Variants in ROBO1 observed in about 807,000 individuals in gnomAD.
The protein encoded by ROBO1 is roundabout guidance receptor 1.
A neutral mutation model predicts 195.9 loss-of-function variants in ROBO1; 149 were observed. The observed-to-expected ratio is 0.76, with a 90% CI of 0.67 to 0.87. The LOEUF (loss-of-function observed/expected upper bound fraction) is 0.87. Ranked by LOEUF, ROBO1 falls within the 40% of genes least tolerant of loss-of-function variation. The pLI, the probability that ROBO1 is intolerant of heterozygous loss-of-function variation, is 0.00. For synonymous variants in ROBO1, 816 were observed against 733.2 expected (o/e 1.11, Z -1.82); for missense variants, 1,933 against 2,068.3 (o/e 0.93, Z 1.27).
chr3:79,034,496 A>G (rs1345659762), intron 3 of ROBO1, among the ~76,000 whole-genome samples: 1 of 152,182 alleles, frequency 6.6e-6, no homozygotes, highest in African/African-American at 2.4e-5. Context: ...ATGCCCTTTG[A>G]TATAGTATTT....
At chr3:79,382,503 G>A (rs1422896565) in intron 2 of ROBO1, among the ~76,000 whole-genome samples, 1 of 152,074 alleles carries the variant, frequency 6.6e-6, no homozygotes, top group African/African-American at 2.4e-5. Context: ...TATAATAGAT[G>A]CTGCTAATTA....
At chr3:78,884,864 T>TTC (rs769960376) in intron 4 of ROBO1, among the ~76,000 whole-genome samples, 3 of 67,584 alleles carry the variant, frequency 4.4e-5, no homozygotes. Flanking sequence ...CTCTCTCTCT[T>TTC]TCTGTGTGTG....
intron 1 of ROBO1, among the ~76,000 whole-genome samples, chr3:79,608,697 A>T (rs1356798958): frequency 2.6e-5 from 4 of 151,964 alleles, no homozygotes; most frequent in Non-Finnish European, 5.9e-5. Context: ...AGGGCCATAG[A>T]CAACTAAATA....
intron 10 of ROBO1, among the ~76,000 whole-genome samples, chr3:78,678,032 G>T (rs1271038038): frequency 6.6e-6 from 1 of 151,924 alleles, no homozygotes; most frequent in Non-Finnish European, 1.5e-5. Flanking sequence ...ACTCAAAACC[G>T]CTCAACTACA....
At chr3:79,172,698 T>A (rs2081189093) in intron 2 of ROBO1, among the ~76,000 whole-genome samples, 1 of 152,134 alleles carries the variant, frequency 6.6e-6, no homozygotes, top group African/African-American at 2.4e-5. Flanking sequence ...AACTATTCCC[T>A]TCTACTGTGT....
At chr3:79,064,352 C>T (rs554141491) in intron 3 of ROBO1, among the ~76,000 whole-genome samples, 45 of 151,960 alleles carry the variant, frequency 3.0e-4, no homozygotes, top group African/African-American at 1.0e-3. Context: ...TTGTACCATT[C>T]CAAATGCTTC....
chr3:78,998,765 C>T (rs1213903595), intron 3 of ROBO1, among the ~76,000 whole-genome samples: 2 of 152,188 alleles, frequency 1.3e-5, no homozygotes, highest in South Asian at 2.1e-4. Context: ...CATCATCTCT[C>T]CCCTTTATTA....
At chr3:79,461,522 C>G (rs2107263555) in intron 2 of ROBO1, among the ~76,000 whole-genome samples, 1 of 152,296 alleles carries the variant, frequency 6.6e-6, no homozygotes. Context: ...TCTGGATTGT[C>G]ATCCATACAT....
intron 2 of ROBO1, among the ~76,000 whole-genome samples, chr3:79,570,812 A>G (rs928718745): frequency 1.3e-5 from 2 of 152,136 alleles, no homozygotes; most frequent in African/African-American, 4.8e-5. Context: ...TGAAAATATA[A>G]TAGGGTGATT....
intron 5 of ROBO1, among the ~76,000 whole-genome samples, chr3:78,736,275 C>T (rs182686193): frequency 6.1e-4 from 93 of 152,110 alleles, no homozygotes; most frequent in Admixed American, 9.2e-4. Flanking sequence ...AACACTTTTT[C>T]GAACACATGA....
At chr3:79,284,828 A>G (rs73122550) in intron 2 of ROBO1, among the ~76,000 whole-genome samples, 14,427 of 152,202 alleles carry the variant, frequency 0.095, 771 homozygotes, top group Middle Eastern at 0.14. Flanking sequence ...ATCTTAATTC[A>G]TAAATCTTTA....
chr3:79,301,679 A>G (rs1328228615), intron 2 of ROBO1, among the ~76,000 whole-genome samples: 1 of 152,172 alleles, frequency 6.6e-6, no homozygotes, highest in East Asian at 1.9e-4. Context: ...AATTATTCCA[A>G]TGGAAGGAAA....
chr3:79,575,417 TATATATATAAATATATATATAACAA>T (rs1943446749), intron 2 of ROBO1, among the ~76,000 whole-genome samples: 1 of 122,102 alleles, frequency 8.2e-6, no homozygotes, highest in South Asian at 2.3e-4. Flanking sequence ...AGATAACAAA[TATATATATAAATATATATATAACAA>T]ATATATATAA....
intron 3 of ROBO1, 85 bp downstream of exon 3, chr3:79,125,371 G>A: frequency 9.2e-7 from 1 of 1,088,366 alleles, no homozygotes; most frequent in Non-Finnish European, 1.4e-6. Flanking sequence ...GGGATGATTC[G>A]ATTAATTTTA....
chr3:79,697,812 C>G (rs553399551), intron 1 of ROBO1, among the ~76,000 whole-genome samples: 2 of 151,224 alleles, frequency 1.3e-5, no homozygotes, highest in East Asian at 3.9e-4. Flanking sequence ...ATTTATAAAC[C>G]TGGGAAATAA....
In ROBO1 at chr3:78,597,357, CATT is replaced by C. The variant is rs909167530; in HGVS notation, c.*1553_*1555del. On this transcript the variant is annotated 3_prime_UTR_variant, in exon 31 of 31. Coordinates refer to ENST00000464233, the MANE Select transcript of ROBO1 (RefSeq NM_002941.4). ...GCTTCTTACATGAACATAATGAAAA[CATT>C]AATCACATGGATTGTTCCCTTAGTA... is the stretch of plus-strand genomic sequence containing the variant. 12 of 152,482 alleles carry C rather than the reference CATT, an allele frequency of 7.9e-5. No homozygotes were observed. Among genetic ancestry groups the C allele is most frequent in the African/African-American group, 2.7e-4 (11 of 41,402 alleles). 9.4% of individuals were successfully genotyped at this position (152,482 alleles called of 1,614,324 possible). A position where few individuals can be genotyped will look rare whatever the true frequency, so the allele number is the denominator to read the frequency against.
intron 2 of ROBO1, among the ~76,000 whole-genome samples, chr3:79,296,715 GAGTCAGAAT>G (rs1417060433): frequency 2.0e-5 from 3 of 152,160 alleles, no homozygotes; most frequent in Non-Finnish European, 4.4e-5. Flanking sequence ...TGGCCTTTGG[GAGTCAGAAT>G]AGTCTCCTTT....
intron 4 of ROBO1, among the ~76,000 whole-genome samples, chr3:78,882,015 T>C (rs1302444476): frequency 6.6e-6 from 1 of 152,190 alleles, no homozygotes; most frequent in African/African-American, 2.4e-5. Context: ...GTGATGTTTA[T>C]GTACCTTGGA....
At chr3:78,844,195 A>G (rs2033490284) in intron 4 of ROBO1, among the ~76,000 whole-genome samples, 1 of 152,176 alleles carries the variant, frequency 6.6e-6, no homozygotes, top group African/African-American at 2.4e-5. Flanking sequence ...GGAAATACAT[A>G]TTTGCCTTTC....
Sources: allele counts gnomAD v4.1 joint callset (sites outside exome capture counted in the v4.1 genomes callset), GRCh38; gene constraint gnomAD v4.1.1; transcripts MANE v1.5; gene names NCBI Gene and HGNC (gene_info 2026-07-23, HGNC 2026-07-21).